Variants in TCF7L1 observed in about 807,000 individuals in gnomAD.
TCF7L1 encodes the protein transcription factor 7 like 1, also known as transcription factor 7-like 1.
Under a neutral mutation model 63.7 loss-of-function variants are expected in TCF7L1, and 18 were observed. The ratio of observed to expected loss-of-function variants is 0.28; its 90% CI spans 0.20 to 0.42. The LOEUF is 0.42. Among genes scored for constraint, TCF7L1 ranks in the 10% least tolerant of loss-of-function variants. The pLI is 1.00. For synonymous variants in TCF7L1, 355 were observed against 340.9 expected (o/e 1.04, Z -0.46); for missense variants, 654 against 779.3 (o/e 0.84, Z 1.91).
chr2:85,174,874 C>A (rs1363112802), intron 3 of TCF7L1, among the ~76,000 whole-genome samples: 1 of 152,242 alleles, frequency 6.6e-6, no homozygotes, highest in Non-Finnish European at 1.5e-5. Flanking sequence ...CCCGACCCTA[C>A]CTTTCTTCCT....
intron 3 of TCF7L1, among the ~76,000 whole-genome samples, chr2:85,139,301 C>T (rs1313696240): frequency 6.6e-6 from 1 of 152,234 alleles, no homozygotes; most frequent in Non-Finnish European, 1.5e-5. Flanking sequence ...GCCACTGCGC[C>T]CAGCCTAGAT....
At chr2:85,305,141 A>G (rs551641701) in intron 7 of TCF7L1, 119 bp from the exon 8 acceptor site, 2 of 1,373,726 alleles carry the variant, frequency 1.5e-6, no homozygotes, top group East Asian at 4.6e-5. Context: ...TCTAGTCCTG[A>G]GACTCTGCCC....
chr2:85,294,045 T>TTTTTTTTA (rs1553407868), intron 4 of TCF7L1, among the ~76,000 whole-genome samples: 3 of 113,452 alleles, frequency 2.6e-5, no homozygotes, highest in South Asian at 3.5e-4. Context: ...TTTTTTTTTT[T>TTTTTTTTA]TTTTTTTTTG....
intron 3 of TCF7L1, among the ~76,000 whole-genome samples, chr2:85,178,895 C>A (rs1475388522): frequency 6.6e-6 from 1 of 152,152 alleles, no homozygotes; most frequent in Non-Finnish European, 1.5e-5. Flanking sequence ...GATCTCCTGC[C>A]TACAGCCTGT....
intron 3 of TCF7L1, among the ~76,000 whole-genome samples, chr2:85,228,742 T>G (rs865927125): frequency 6.6e-5 from 10 of 151,208 alleles, no homozygotes; most frequent in African/African-American, 1.7e-4. Context: ...TAGGCTGGGC[T>G]CGGTGGCTCA....
chr2:85,221,002 T>G (rs759196485), intron 3 of TCF7L1, among the ~76,000 whole-genome samples: 1 of 152,160 alleles, frequency 6.6e-6, no homozygotes, highest in Non-Finnish European at 1.5e-5. Context: ...CAAGAAAGCA[T>G]GAAAGCTATT....
intron 3 of TCF7L1, among the ~76,000 whole-genome samples, chr2:85,221,679 T>G (rs527327250): frequency 6.6e-6 from 1 of 152,322 alleles, no homozygotes; most frequent in South Asian, 2.1e-4. Flanking sequence ...GGCACAGCCC[T>G]CATAACCTAA....
chr2:85,289,919 G>T (rs544472766), intron 4 of TCF7L1, among the ~76,000 whole-genome samples: 2 of 148,734 alleles, frequency 1.3e-5, no homozygotes, highest in South Asian at 4.3e-4. Context: ...CGGGATCCGC[G>T]CACCTCAGCC....
intron 4 of TCF7L1, among the ~76,000 whole-genome samples, chr2:85,291,792 G>T (rs2104377734): frequency 6.6e-6 from 1 of 152,154 alleles, no homozygotes; most frequent in South Asian, 2.1e-4. Context: ...ATAGCTCACT[G>T]CAGCCTAAAC....
chr2:85,149,953 G>A (rs1677969045), intron 3 of TCF7L1, among the ~76,000 whole-genome samples: 2 of 152,148 alleles, frequency 1.3e-5, no homozygotes, highest in Non-Finnish European at 1.5e-5. Context: ...ATAAGATGAA[G>A]GGACAAGATA....
At chr2:85,260,470 C>G (rs1171743608) in intron 3 of TCF7L1, among the ~76,000 whole-genome samples, 1 of 151,596 alleles carries the variant, frequency 6.6e-6, no homozygotes, top group Non-Finnish European at 1.5e-5. Context: ...GACCTCGTCT[C>G]TACAATACAG....
chr2:85,288,080 A>G (rs1262939762), intron 4 of TCF7L1, among the ~76,000 whole-genome samples: 1 of 152,208 alleles, frequency 6.6e-6, no homozygotes, highest in African/African-American at 2.4e-5. Context: ...CACCACCACC[A>G]CTACCGCTAC....
intron 3 of TCF7L1, among the ~76,000 whole-genome samples, chr2:85,222,360 CAAACAA>C (rs1679863484): frequency 7.8e-6 from 1 of 127,878 alleles, no homozygotes; most frequent in African/African-American, 2.9e-5. Flanking sequence ...AACAAACAAA[CAAACAA>C]AAAAAAAAAC....
At chr2:85,276,869 G>T (rs560792430) in intron 3 of TCF7L1, among the ~76,000 whole-genome samples, 2 of 152,166 alleles carry the variant, frequency 1.3e-5, no homozygotes, top group Non-Finnish European at 2.9e-5. Context: ...TGGAAACACC[G>T]TGTACCGCTT....
intron 3 of TCF7L1, among the ~76,000 whole-genome samples, chr2:85,250,853 A>T (rs1680572085): frequency 6.6e-6 from 1 of 152,226 alleles, no homozygotes; most frequent in Admixed American, 6.5e-5. Flanking sequence ...GAATGCACAG[A>T]ATTAGGCACA....
At chr2:85,248,047 A>G (rs1034295047) in intron 3 of TCF7L1, among the ~76,000 whole-genome samples, 2 of 152,182 alleles carry the variant, frequency 1.3e-5, no homozygotes, top group African/African-American at 4.8e-5. Flanking sequence ...TCCTATGGTG[A>G]TTGAATAATG....
chr2:85,133,766 G>A lies in TCF7L1; in HGVS notation c.82G>A (p.Gly28Arg). 2 of 1,247,312 alleles carry A rather than the reference G, an allele frequency of 1.6e-6. No individual in the cohort carries two copies. The highest frequency in any genetic ancestry group is 1.0e-6 in the Non-Finnish European group (1 of 994,096). The allele number at this position is 1,247,312 out of a possible 1,614,324, so 77.3% of individuals were successfully genotyped here. ...CGGCTCCAGCGCCGGGGCGGCCGGC[G>A]GAGGGGACGACCTCGGGGCGAACGA... ...GGGSSAGAAG[G>R]GDDLGANDEL... The change falls in exon 1 of 12, where the codon GGA (glycine) becomes AGA (arginine). Residue 28 changes from glycine (G) to arginine (R), a missense_variant. This residue lies in a region of TCF7L1 where 404 missense variants were observed against 454.8 expected (regional missense o/e 0.89). Transcript: ENST00000282111. This position sits in a 1 kb window ranked among gnomAD's most constrained non-coding sequence, Gnocchi z 4.4.
chr2:85,283,337 A>G lies in TCF7L1; in HGVS notation c.442-158A>G, dbSNP rs570777111. 1.2e-4 allele frequency among the ~76,000 whole-genome samples: 18 copies of G among 149,576 alleles called. No homozygotes were observed. In the South Asian group the frequency reaches 3.4e-3, roughly 28 times the overall value. Reference sequence around the variant, plus strand: ...GTAAATATATGCTCGCTCCTGTTATAATCGTTTGGAAATTGACCCAGTACA... The same window carrying G: ...GTAAATATATGCTCGCTCCTGTTATGATCGTTTGGAAATTGACCCAGTACA... On this transcript the variant is annotated intron_variant, in intron 3 of 11. Coordinates refer to ENST00000282111, the MANE Select transcript of TCF7L1 (RefSeq NM_031283.3).
intron 3 of TCF7L1, among the ~76,000 whole-genome samples, chr2:85,230,515 A>G (rs923584679): frequency 3.9e-5 from 6 of 152,204 alleles, no homozygotes; most frequent in Admixed American, 2.6e-4. Context: ...TTGAATTTTT[A>G]GTAGAGATGG....
Sources: gnomAD v4.1 joint callset for allele counts (sites outside exome capture counted in the v4.1 genomes callset) on GRCh38, gnomAD v4.1.1 for gene constraint, gnomAD v4.1.1 regional missense constraint, Gnocchi (gnomAD v3.1) non-coding constraint, MANE v1.5 for transcripts, NCBI Gene and HGNC (gene_info 2026-07-23, HGNC 2026-07-21) for gene names.